The following EMX1 variants were observed in gnomAD, a reference collection of about 807,000 sequenced individuals.
EMX1 encodes the protein empty spiracles homeobox 1, also known as homeobox protein EMX1.
A neutral mutation model predicts 20.1 loss-of-function variants in EMX1; 10 were observed. The ratio of observed to expected loss-of-function variants is 0.50; its 90% CI spans 0.31 to 0.84. The LOEUF (loss-of-function observed/expected upper bound fraction) is 0.84, where lower values mean the gene tolerates loss of function less well. Ranked by LOEUF, EMX1 falls within the 40% of genes least tolerant of loss-of-function variation. The pLI is 0.05. For missense variants in EMX1, 424 were observed against 431.9 expected (o/e 0.98, Z 0.16); for synonymous variants, 250 against 200.4 (o/e 1.25, Z -2.09).
Position 72,917,929 on chromosome 2 carries a change from G to T in EMX1, c.77G>T (p.Arg26Leu), listed in dbSNP as rs1283230040. The change falls in exon 1 of 3, where the codon CGC becomes CTC. Residue 26 changes from arginine to leucine, a missense_variant. Physicochemically the swap from Arg to Leu is moderately radical, Grantham distance 102 (BLOSUM62 -2). This residue lies in a region of EMX1 where 333 missense variants were observed against 296.6 expected (regional missense o/e 1.12). Transcript: ENST00000258106. ...GCGCTCCCCAGAGCCCGGCTGCCTC[G>T]CACAGCTCCCGCGGCTGCGACCATG... ...RGALPRARLPRTAPAAATMFQ... is the reference protein window; with the variant it reads ...RGALPRARLPLTAPAAATMFQ... 1 of 1,485,216 alleles carries T rather than the reference G, an allele frequency of 6.7e-7. No individual in the cohort carries two copies. Among genetic ancestry groups the T allele is most frequent in the South Asian group, 1.3e-5 (1 of 79,350 alleles). The allele number at this position is 1,485,216 out of a possible 1,614,324, so 92.0% of individuals were successfully genotyped here. A position where few individuals can be genotyped will look rare whatever the true frequency, so the allele number is the denominator to read the frequency against.
chr2:72,932,274 C>T (rs899671581), intron 2 of EMX1, among the ~76,000 whole-genome samples: 2 of 152,240 alleles, frequency 1.3e-5, no homozygotes, highest in Admixed American at 1.3e-4. Context: ...TTCCTGGAAA[C>T]CATCCAGGCC....
At chr2:72,933,747 T>G (rs778715535) in intron 2 of EMX1, 40 bp from the exon 3 acceptor site, 11 of 1,609,136 alleles carry the variant, frequency 6.8e-6, no homozygotes, top group Non-Finnish European at 9.3e-6. Context: ...TCTGGGGGCC[T>G]CCTGAGTTTC....
rs888868305 is a variant in EMX1 at position 72,928,354 on chromosome 2, C to T, written c.705+3861C>T. On this transcript the variant is annotated intron_variant, in intron 2 of 2. Coordinates refer to ENST00000258106, the MANE Select transcript of EMX1 (RefSeq NM_004097.3). Reference sequence around the variant, plus strand: ...AATGAGTATGTGTAATGGGTGTGTGCAACATGTGTCTGCCCATGTGGGGCA... The same window carrying T: ...AATGAGTATGTGTAATGGGTGTGTGTAACATGTGTCTGCCCATGTGGGGCA... 4.6e-5 allele frequency among the ~76,000 whole-genome samples: 7 copies of T among 152,186 alleles called. No individual in the cohort carries two copies. The East Asian group carries it at 5.8e-4, about 13-fold the overall frequency.
chr2:72,925,720 G>A (rs1402574508), intron 2 of EMX1: 40 of 985,342 alleles, frequency 4.1e-5, no homozygotes, highest in Middle Eastern at 5.2e-4. Flanking sequence ...AGGGGGCTTA[G>A]TGAGGGAGCC....
chr2:72,922,961 C>T (rs895849460), intron 1 of EMX1, among the ~76,000 whole-genome samples: 3 of 152,182 alleles, frequency 2.0e-5, no homozygotes, highest in Admixed American at 6.5e-5. Flanking sequence ...TCTAGGGTTC[C>T]GTGTTTTTGG....
chr2:72,918,061 C>A lies in EMX1; in HGVS notation c.209C>A (p.Ala70Glu), dbSNP rs1030312935. 30 of 1,415,088 alleles carry A rather than the reference C, an allele frequency of 2.1e-5. No individual in the cohort carries two copies. The Middle Eastern group carries it at 1.5e-3, about 70-fold the overall frequency. The allele number at this position is 1,415,088 out of a possible 1,614,324, so 87.7% of individuals were successfully genotyped here. ...GGGGAGSHLLAAAASEEPLRP... is the reference protein window; with the variant it reads ...GGGGAGSHLLEAAASEEPLRP... ...GGGGGCGCGGGCTCCCATCTCCTGGCGGCGGCCGCCTCCGAGGAACCGCTC... is the reference window on the plus strand; with the variant it reads ...GGGGGCGCGGGCTCCCATCTCCTGGAGGCGGCCGCCTCCGAGGAACCGCTC... Residue 70 changes from alanine (A) to glutamate (E), a missense_variant, in exon 1 of 3, where the codon GCG becomes GAG. This residue lies in a region of EMX1 where 333 missense variants were observed against 296.6 expected (regional missense o/e 1.12). Transcript: ENST00000258106.
rs752795027 is a variant in EMX1 at position 72,924,477 on chromosome 2, G to A, written c.689G>A (p.Ser230Asn). The change falls in exon 2 of 3, where the codon AGC becomes AAC. Residue 230 changes from serine to asparagine, a missense_variant. By Grantham distance (46) the Ser-to-Asn change is conservative. This residue lies in a region of EMX1 where 91 missense variants were observed against 135.2 expected (regional missense o/e 0.67). Transcript: ENST00000258106. ...CGGAAGCAGCTGGCCGGCAGTCTCA[G>A]CCTCTCCGAGACGCAGGTAATCACC... The part of the protein sequence containing the change: ...AERKQLAGSL[S>N]LSETQVKVWF... 7 of 1,590,430 alleles carry A rather than the reference G, an allele frequency of 4.4e-6. No homozygotes were observed. In the East Asian group the frequency reaches 1.6e-4, roughly 36 times the overall value.
In EMX1 at chr2:72,918,451, G is replaced by T. The variant is rs1573894272; in HGVS notation, c.520+79G>T. ...CGATGCGGGGGAGGCTCGGGGGCGC[G>T]CGGGGCTGTTTAGAAGTTACTGCCG... On this transcript the variant is annotated intron_variant, in intron 1 of 2. Transcript: ENST00000258106. 2.2e-6 allele frequency: 3 copies of T among 1,345,330 alleles called. No individual in the cohort carries two copies. In the African/African-American group the frequency reaches 4.6e-5, roughly 21 times the overall value. 83.3% of individuals were successfully genotyped at this position (1,345,330 alleles called of 1,614,324 possible).
chr2:72,924,807 C>A (rs1408822654), intron 2 of EMX1, among the ~76,000 whole-genome samples: 1 of 152,200 alleles, frequency 6.6e-6, no homozygotes, highest in Non-Finnish European at 1.5e-5. Flanking sequence ...GGAAGCGGGT[C>A]GCCTCGGGAG....
At position 72,918,225 on chromosome 2, in the gene EMX1, C is replaced by T; in HGVS notation, c.373C>T (p.His125Tyr). The change falls in exon 1 of 3, where the codon CAC becomes TAC. Residue 125 changes from histidine (H) to tyrosine (Y), a missense_variant. His to Tyr is a moderately conservative substitution (Grantham distance 83). Around this residue, in one of 2 missense-constraint regions of EMX1, gnomAD observed 333 missense variants for 296.6 expected, o/e 1.12. Coordinates refer to ENST00000258106, the MANE Select transcript of EMX1 (RefSeq NM_004097.3). ...GCTCGTGTTCCCCGAGGCCATGAAC[C>T]ACCCCGCGCTGACCGTGCATCCGGC... Reference protein sequence around the residue: ...PELVFPEAMNHPALTVHPAHQ... With the variant: ...PELVFPEAMNYPALTVHPAHQ... The T allele has an allele frequency of 1.3e-6, 2 of 1,576,376 alleles. No homozygotes were observed. Among genetic ancestry groups the T allele is most frequent in the Non-Finnish European group, 1.7e-6 (2 of 1,172,058 alleles).
At chr2:72,919,431 C>T (rs892913672) in intron 1 of EMX1, among the ~76,000 whole-genome samples, 24 of 152,010 alleles carry the variant, frequency 1.6e-4, no homozygotes, top group African/African-American at 5.6e-4. Context: ...GGGTCTATGG[C>T]TCAGAGCTAG....
At position 72,933,700 on chromosome 2, in the gene EMX1, C is replaced by T. The variant is rs980458502; in HGVS notation, c.706-87C>T. 67 of 1,523,084 alleles carry T rather than the reference C, an allele frequency of 4.4e-5. 1 individual carries two copies. The highest frequency in any genetic ancestry group is 5.1e-5 in the Non-Finnish European group (58 of 1,129,026). 94.3% of individuals were successfully genotyped at this position (1,523,084 alleles called of 1,614,324 possible). A position where few individuals can be genotyped will look rare whatever the true frequency, so the allele number is the denominator to read the frequency against. ...GTAGCCTCAGTCTTCCCATCAGGCT[C>T]TCAGCTCAGCCTGAGTGTTGAGGCC... On this transcript the variant is annotated intron_variant, in intron 2 of 2. Transcript: ENST00000258106.
At chr2:72,928,510 G>T (rs1254814899) in intron 2 of EMX1, among the ~76,000 whole-genome samples, 2 of 152,164 alleles carry the variant, frequency 1.3e-5, no homozygotes, top group Non-Finnish European at 2.9e-5. Flanking sequence ...GTGTGTCGGG[G>T]GCAGGGGTAA....
chr2:72,916,748 C>A, upstream of EMX1: 1 of 717,388 alleles, frequency 1.4e-6, no homozygotes, highest in South Asian at 1.5e-5. Flanking sequence ...CTGACCTGGT[C>A]CGGCCCGCCG....
intron 1 of EMX1, chr2:72,923,907 C>A (rs1014435707): frequency 2.0e-5 from 6 of 293,704 alleles, no homozygotes; most frequent in Non-Finnish European, 3.9e-5. Context: ...GGCTGGCGGC[C>A]AGGGCAGCGC....
Position 72,924,441 on chromosome 2 carries a change from T to C in EMX1, c.653T>C (p.Val218Ala), listed in dbSNP as rs1334997814. The C allele has an allele frequency of 6.3e-7, 1 of 1,597,392 alleles. No homozygotes were observed. Among genetic ancestry groups the C allele is most frequent in the East Asian group, 2.2e-5 (1 of 44,446 alleles). ...ERAFEKNHYVVGAERKQLAGS... is the reference protein window; with the variant it reads ...ERAFEKNHYVAGAERKQLAGS... ...GCCTTCGAGAAGAACCACTACGTGG[T>C]GGGCGCCGAGCGGAAGCAGCTGGCC... is the stretch of plus-strand genomic sequence containing the variant. Residue 218 changes from valine to alanine, a missense_variant, in exon 2 of 3, where the codon GTG becomes GCG. This residue lies in a region of EMX1 where 91 missense variants were observed against 135.2 expected (regional missense o/e 0.67). Transcript: ENST00000258106.
intron 1 of EMX1, among the ~76,000 whole-genome samples, chr2:72,919,451 CT>C (rs1671062116): frequency 1.3e-5 from 2 of 152,256 alleles, no homozygotes; most frequent in Non-Finnish European, 2.9e-5. Flanking sequence ...GGTAACCCGG[CT>C]TTTAGAGAAA....
At chr2:72,929,052 C>T (rs1301091159) in intron 2 of EMX1, among the ~76,000 whole-genome samples, 2 of 152,142 alleles carry the variant, frequency 1.3e-5, no homozygotes, top group African/African-American at 4.8e-5. Context: ...GGGTCCTTTC[C>T]TGCTCTGGAA....
Position 72,917,910 on chromosome 2 carries a change from C to G in EMX1, c.58C>G (p.Pro20Ala). The change falls in exon 1 of 3, where the codon CCC becomes GCC. Residue 20 changes from proline to alanine, a missense_variant. Transcript: ENST00000258106. ...GGCGGCGCCAGGACGCGGAGCGCTCCCCAGAGCCCGGCTGCCTCGCACAGC... is the reference window on the plus strand; with the variant it reads ...GGCGGCGCCAGGACGCGGAGCGCTCGCCAGAGCCCGGCTGCCTCGCACAGC... ...KAAAPGRGALPRARLPRTAPA... is the reference protein window; with the variant it reads ...KAAAPGRGALARARLPRTAPA... 6.7e-7 allele frequency: 1 copy of G among 1,483,624 alleles called. No individual in the cohort carries two copies. Among genetic ancestry groups the G allele is most frequent in the Non-Finnish European group, 8.9e-7 (1 of 1,124,712 alleles). The allele number at this position is 1,483,624 out of a possible 1,614,324, so 91.9% of individuals were successfully genotyped here.
Sources: allele counts gnomAD v4.1 joint callset (sites outside exome capture counted in the v4.1 genomes callset), GRCh38; gene constraint gnomAD v4.1.1; regional missense constraint gnomAD v4.1.1; transcripts MANE v1.5; gene names NCBI Gene and HGNC (gene_info 2026-07-23, HGNC 2026-07-21).